Variants in MYH7 observed in about 807,000 individuals in gnomAD.
The protein encoded by MYH7 is myosin heavy chain 7, also known as myosin-7.
Under a neutral mutation model 225.4 loss-of-function variants are expected in MYH7, and 129 were observed. The observed-to-expected ratio is 0.57, with a 90% CI of 0.50 to 0.66. The LOEUF (loss-of-function observed/expected upper bound fraction) is 0.66, where lower values mean the gene tolerates loss of function less well. MYH7 is among the 30% of genes least tolerant of loss of function. The probability of loss-of-function intolerance (pLI) is 0.00; values close to 1 mark genes in which losing one functional copy is unlikely to be tolerated. For missense variants in MYH7, 1,649 were observed against 2,517.0 expected, an observed-to-expected ratio of 0.66 and a Z score of 7.38; for synonymous variants, 971 against 1,007.6, an observed-to-expected ratio of 0.96 and a Z score of 0.69.
chr14:23,431,420 G>T lies in MYH7; in HGVS notation c.794C>A (p.Thr265Asn), dbSNP rs876661375. 1 of 1,613,878 alleles carries T rather than the reference G, an allele frequency of 6.2e-7. No homozygotes were observed. Among genetic ancestry groups the T allele is most frequent in the Non-Finnish European group, 8.5e-7 (1 of 1,179,878 alleles). The change falls in exon 9 of 40, where the codon ACC becomes AAC. Residue 265 changes from threonine to asparagine, a missense_variant and splice_region_variant. Transcript: ENST00000355349. ...TGKLASADIE[T>N]YLLEKSRVIF... Reference sequence around the variant, plus strand: ...CCTAGCAGATTCATGGCACTCACAGGTCTCTATGTCTGCAGATGCCAACTT... The same window carrying T: ...CCTAGCAGATTCATGGCACTCACAGTTCTCTATGTCTGCAGATGCCAACTT...
Position 23,421,044 on chromosome 14 carries a change from CTT to C in MYH7, c.3248_3249del (p.Lys1083ArgfsTer3). ...KQQLDERLKK[K>X]DFELNALNAR... is the part of the protein sequence containing the mutation. ...GCGTTGAGAGCATTCAGCTCAAAGT[CTT>C]TTCTGTGGGGAAGGAGGGATGGTGA... is the stretch of plus-strand genomic sequence containing the variant. On this transcript the variant is annotated frameshift_variant and splice_region_variant, in exon 26 of 40. Transcript: ENST00000355349. LOFTEE classifies it high-confidence loss of function. 1 of 1,613,222 alleles carries C rather than the reference CTT, an allele frequency of 6.2e-7. No individual in the cohort carries two copies. The highest frequency in any genetic ancestry group is 8.5e-7 in the Non-Finnish European group (1 of 1,179,910).
intron 31 of MYH7, 66 bp from the exon 32 acceptor site, chr14:23,417,384 G>A (rs1262529889): frequency 8.7e-6 from 14 of 1,611,598 alleles, no homozygotes; most frequent in South Asian, 7.7e-5. Context: ...GTCTGTCTCA[G>A]GACCTGCCTG....
chr14:23,430,860 G>T, intron 10 of MYH7, 41 bp downstream of exon 10: 1 of 1,479,944 alleles, frequency 6.8e-7, no homozygotes, highest in Non-Finnish European at 9.5e-7. Context: ...GGACCAGGTT[G>T]CCATGGAGAT....
chr14:23,429,364 A>G lies in MYH7; in HGVS notation c.1139-17T>C. On this transcript the variant is annotated splice_polypyrimidine_tract_variant and intron_variant, in intron 12 of 39. Transcript: ENST00000355349. Reference sequence around the variant, plus strand: ...TGTCAGCCTCTGGAAGGAAAAGGCAAGTAGCAAAGTTGGTAAAGAGATGAC... The same window carrying G: ...TGTCAGCCTCTGGAAGGAAAAGGCAGGTAGCAAAGTTGGTAAAGAGATGAC... 1 of 1,608,206 alleles carries G rather than the reference A, an allele frequency of 6.2e-7. No individual in the cohort carries two copies. Among genetic ancestry groups the G allele is most frequent in the South Asian group, 1.1e-5 (1 of 90,944 alleles).
chr14:23,416,364 A>T (rs757569128), intron 33 of MYH7, 52 bp from the exon 34 acceptor site: 1 of 1,576,678 alleles, frequency 6.3e-7, no homozygotes, highest in South Asian at 1.2e-5. Context: ...GGCACAGGGC[A>T]GGGTGGGGGC....
chr14:23,424,300 G>T, intron 22 of MYH7, 151 bp from the exon 23 acceptor site: 2 of 1,058,528 alleles, frequency 1.9e-6, no homozygotes, highest in Non-Finnish European at 1.3e-6. Context: ...GAGGGGAAGA[G>T]TTTCAGGATA....
At chr14:23,417,713 G>A (rs373315099) in intron 30 of MYH7, 27 bp from the exon 31 acceptor site, 2 of 1,611,356 alleles carry the variant, frequency 1.2e-6, no homozygotes. Flanking sequence ...GGCAGAGGGT[G>A]GGGAGGATGG....
At chr14:23,430,777 C>T (rs557607704) in intron 10 of MYH7, 114 bp from the exon 11 acceptor site, 3 of 1,274,706 alleles carry the variant, frequency 2.4e-6, no homozygotes, top group African/African-American at 2.9e-5. Flanking sequence ...CTTGGCCCCA[C>T]ATCCCACTGA....
chr14:23,432,529 A>G, intron 5 of MYH7, 23 bp from the exon 6 acceptor site: 1 of 1,613,932 alleles, frequency 6.2e-7, no homozygotes. Context: ...GGTGGGGAGG[A>G]AAGGTCAGGA....
rs776807873 is a variant in MYH7, at chr14:23,426,086, G to A, written c.2045-5C>T. The A allele has an allele frequency of 9.3e-6, 15 of 1,613,956 alleles. No individual in the cohort carries two copies. The highest frequency in any genetic ancestry group is 1.3e-5 in the Non-Finnish European group (15 of 1,179,978). On this transcript the variant is annotated splice_polypyrimidine_tract_variant and splice_region_variant and intron_variant, in intron 18 of 39. Transcript: ENST00000355349. ...CCAGGGGGTTGTCCATCACCCCTGT[G>A]GCAAGAAGGAAGTAGGAGGAGTCTG...
Position 23,425,870 on chromosome 14 carries a change from C to T in MYH7, c.2163-52G>A, listed in dbSNP as rs1312566839. 3.1e-6 allele frequency: 5 copies of T among 1,613,192 alleles called. No individual in the cohort carries two copies. In the African/African-American group the frequency reaches 4.0e-5, roughly 13 times the overall value. ...CCATGCTCTGCAGTGATCTGCTCTG[C>T]CCATAGAATTCCAGGGTCACCTGCA... On this transcript the variant is annotated intron_variant, in intron 19 of 39. Coordinates refer to ENST00000355349, the MANE Select transcript of MYH7 (RefSeq NM_000257.4). The surrounding 1 kb of genome is among the most constrained non-coding windows in gnomAD (Gnocchi z 4.6).
rs1892574151 is a variant in MYH7 at position 23,423,668 on chromosome 14, G to A, written c.2978C>T (p.Thr993Ile). ...AGLDEIIAKL[T>I]KEKKALQEAH... ...CTCTTGCAGAGCTTTCTTCTCCTTG[G>A]TCAGCTTGGCAATGATCTCATCCAG... The change falls in exon 24 of 40, where the codon ACC becomes ATC. Residue 993 changes from threonine to isoleucine, a missense_variant. Coordinates refer to ENST00000355349, the MANE Select transcript of MYH7 (RefSeq NM_000257.4). 8 of 1,614,006 alleles carry A rather than the reference G, an allele frequency of 5.0e-6. No individual in the cohort carries two copies. The highest frequency in any genetic ancestry group is 6.8e-6 in the Non-Finnish European group (8 of 1,180,010).
chr14:23,434,103 A>C, intron 2 of MYH7, 91 bp downstream of exon 2: 1 of 830,286 alleles, frequency 1.2e-6, no homozygotes, highest in South Asian at 2.5e-5. Flanking sequence ...TCTCCAGCAC[A>C]TGGCAGAAAC....
In MYH7 at chr14:23,432,515, A is replaced by G. The variant is rs969619157; in HGVS notation, c.503-9T>C. 11 of 1,613,762 alleles carry G rather than the reference A, an allele frequency of 6.8e-6. No individual in the cohort carries two copies. Among genetic ancestry groups the G allele is most frequent in the Non-Finnish European group, 9.3e-6 (11 of 1,179,936 alleles). On this transcript the variant is annotated splice_polypyrimidine_tract_variant and intron_variant, in intron 5 of 39. Coordinates refer to ENST00000355349, the MANE Select transcript of MYH7 (RefSeq NM_000257.4). ...GGACTGGTTTTCTCTGTCTGTGGGG[A>G]GAGGGTGGGGAGGAAAGGTCAGGAG...
In MYH7 at chr14:23,425,073, C is replaced by T; in HGVS notation, c.2424-49G>A. On this transcript the variant is annotated intron_variant, in intron 21 of 39. Coordinates refer to ENST00000355349, the MANE Select transcript of MYH7 (RefSeq NM_000257.4). The surrounding 1 kb of genome is among the most constrained non-coding windows in gnomAD (Gnocchi z 4.6). ...TGCTGAGCCTCCTGCCTCCTTCCTA[C>T]CTGAGGTCCTGAAACCTTGGGAATA... The T allele has an allele frequency of 1.2e-6, 2 of 1,613,784 alleles. No individual in the cohort carries two copies. The highest frequency in any genetic ancestry group is 1.7e-6 in the Non-Finnish European group (2 of 1,179,956).
rs377473156 is a variant in MYH7, at chr14:23,414,987, C to T, written c.5559+8G>A. The T allele has an allele frequency of 5.7e-5, 91 of 1,605,298 alleles. No individual in the cohort carries two copies. Among genetic ancestry groups the T allele is most frequent in the Middle Eastern group, 1.6e-4 (1 of 6,082 alleles). On this transcript the variant is annotated splice_region_variant and intron_variant, in intron 37 of 39. Coordinates refer to ENST00000355349, the MANE Select transcript of MYH7 (RefSeq NM_000257.4). ...CAGGGCTCTGCCTGGAGTCACCGCC[C>T]GTCGCACCTGGTAGGTGAGCTCCTT...
chr14:23,420,109 G>A lies in MYH7; in HGVS notation c.3462C>T (p.Gly1154=), dbSNP rs397516185. The change falls in exon 27 of 40, where the codon GGC becomes GGT. Residue 1154 remains glycine, a synonymous_variant. Coordinates refer to ENST00000355349, the MANE Select transcript of MYH7 (RefSeq NM_000257.4). ...EEISERLEEA[G]GATSVQIEMN... ...TCTCGATCTGCACGGACGTGGCCCC[G>A]CCGGCCTCTTCCAGCCGCTCGCTGA... 50 of 1,603,464 alleles carry A rather than the reference G, an allele frequency of 3.1e-5. 1 individual carries two copies. The highest frequency in any genetic ancestry group is 4.0e-5 in the African/African-American group (3 of 74,462).
At chr14:23,413,705 G>C (rs1416570508) in intron 39 of MYH7, 54 bp downstream of exon 39, 2 of 1,611,654 alleles carry the variant, frequency 1.2e-6, no homozygotes, top group Non-Finnish European at 8.5e-7. Flanking sequence ...AGGGTGCTCT[G>C]TCTGGGTATG....
In MYH7 at chr14:23,425,323, A is replaced by G. The variant is rs1566531920; in HGVS notation, c.2382T>C (p.Gly794=). 2 of 1,614,026 alleles carry G rather than the reference A, an allele frequency of 1.2e-6. No individual in the cohort carries two copies. Among genetic ancestry groups the G allele is most frequent in the Admixed American group, 1.7e-5 (1 of 60,010 alleles). ...IITRIQAQSR[G]VLARMEYKKL... Reference sequence around the variant, plus strand: ...TTTTGTACTCCATTCTGGCGAGCACACCTCGGGACTGGGCCTGGATACGCG... The same window carrying G: ...TTTTGTACTCCATTCTGGCGAGCACGCCTCGGGACTGGGCCTGGATACGCG... Residue 794 remains glycine (G), a synonymous_variant, in exon 21 of 40, where the codon GGT becomes GGC. Coordinates refer to ENST00000355349, the MANE Select transcript of MYH7 (RefSeq NM_000257.4). The surrounding 1 kb of genome is among the most constrained non-coding windows in gnomAD (Gnocchi z 4.6).
Sources: allele counts gnomAD v4.1 joint callset, GRCh38; gene constraint gnomAD v4.1.1; non-coding constraint Gnocchi (gnomAD v3.1); transcripts MANE v1.5; gene names NCBI Gene and HGNC (gene_info 2026-07-23, HGNC 2026-07-21).